The following CSMD1 variants were observed in gnomAD, a reference collection of about 807,000 sequenced individuals.
CSMD1 encodes CUB and sushi domain-containing protein 1.
Under a neutral mutation model 417.5 loss-of-function variants are expected in CSMD1, and 213 were observed. The observed-to-expected ratio is 0.51, with a 90% CI of 0.46 to 0.57. The LOEUF is 0.57. CSMD1 is among the 20% of genes least tolerant of loss of function. CSMD1 has a pLI of 0.00. For missense variants in CSMD1, 6,923 were observed against 4,529.7 expected (o/e 1.53, Z -15.17); for synonymous variants, 2,862 against 1,736.8 (o/e 1.65, Z -16.11).
intron 1 of CSMD1, among the ~76,000 whole-genome samples, chr8:4,770,647 A>C (rs536734645): frequency 6.6e-6 from 1 of 152,244 alleles, no homozygotes; most frequent in East Asian, 1.9e-4. Context: ...TAGAGAGCTG[A>C]AATAAATCCA....
At chr8:3,801,512 G>A (rs1302770959) in intron 5 of CSMD1, among the ~76,000 whole-genome samples, 21 of 152,134 alleles carry the variant, frequency 1.4e-4, no homozygotes, top group Admixed American at 1.4e-3. Flanking sequence ...ACCCTCTCGT[G>A]TTGCTTGTCG....
intron 2 of CSMD1, among the ~76,000 whole-genome samples, chr8:4,450,209 A>C (rs1364618597): frequency 6.6e-6 from 1 of 152,222 alleles, no homozygotes; most frequent in Non-Finnish European, 1.5e-5. Flanking sequence ...GTTACAGAGT[A>C]CCTATATGTG....
intron 1 of CSMD1, among the ~76,000 whole-genome samples, chr8:4,684,112 T>C (rs1425915627): frequency 6.6e-6 from 1 of 152,196 alleles, no homozygotes; most frequent in Non-Finnish European, 1.5e-5. Flanking sequence ...AAAAGCATAT[T>C]ACATAAAATG....
intron 2 of CSMD1, among the ~76,000 whole-genome samples, chr8:4,466,037 T>A (rs1800146603): frequency 6.6e-6 from 1 of 152,202 alleles, no homozygotes; most frequent in African/African-American, 2.4e-5. Context: ...ACAAATTACT[T>A]TTATTACCAT....
At chr8:3,752,185 G>C (rs149185255) in intron 6 of CSMD1, among the ~76,000 whole-genome samples, 2 of 152,116 alleles carry the variant, frequency 1.3e-5, no homozygotes, top group Admixed American at 1.3e-4. Flanking sequence ...CAGATATGGG[G>C]AGGTATGGAA....
At chr8:4,952,714 G>A (rs192524833) in intron 1 of CSMD1, among the ~76,000 whole-genome samples, 1 of 152,030 alleles carries the variant, frequency 6.6e-6, no homozygotes, top group Non-Finnish European at 1.5e-5. Context: ...GTATTAAAAT[G>A]AGTATATCAA....
intron 1 of CSMD1, among the ~76,000 whole-genome samples, chr8:4,774,948 C>T (rs1232425157): frequency 6.6e-6 from 1 of 152,156 alleles, no homozygotes; most frequent in Non-Finnish European, 1.5e-5. Context: ...GCCTGCAAAA[C>T]CTTGAGCAAA....
At chr8:3,958,513 T>A (rs887251472) in intron 5 of CSMD1, among the ~76,000 whole-genome samples, 3 of 152,208 alleles carry the variant, frequency 2.0e-5, no homozygotes, top group South Asian at 2.1e-4. Flanking sequence ...ATTTTAGAAA[T>A]GCATTCTTCT....
At chr8:4,175,864 C>G (rs556291171) in intron 3 of CSMD1, among the ~76,000 whole-genome samples, 1 of 152,208 alleles carries the variant, frequency 6.6e-6, no homozygotes, top group Non-Finnish European at 1.5e-5. Flanking sequence ...CAAAATGTTA[C>G]CAAGCGAGTA....
chr8:3,499,273 T>C (rs962862222), intron 10 of CSMD1, among the ~76,000 whole-genome samples: 2 of 152,230 alleles, frequency 1.3e-5, no homozygotes, highest in Non-Finnish European at 2.9e-5. Flanking sequence ...GTCTGCATGT[T>C]TGTAGCTGTC....
intron 5 of CSMD1, among the ~76,000 whole-genome samples, chr8:3,789,322 C>G (rs183507450): frequency 2.2e-4 from 33 of 150,846 alleles, no homozygotes; most frequent in Middle Eastern, 3.5e-3. Flanking sequence ...ACAGCCCCAA[C>G]AGACTAATAC....
At chr8:4,026,055 G>T (rs942509497) in intron 4 of CSMD1, among the ~76,000 whole-genome samples, 1 of 150,162 alleles carries the variant, frequency 6.7e-6, no homozygotes, top group Non-Finnish European at 1.5e-5. Context: ...AAATAAATAA[G>T]TATTAATAGA....
intron 15 of CSMD1, among the ~76,000 whole-genome samples, chr8:3,403,096 C>G (rs1563351354): frequency 2.0e-5 from 3 of 152,074 alleles, no homozygotes; most frequent in Admixed American, 2.0e-4. Flanking sequence ...CATGTTTCTA[C>G]TTTAATTGGA....
intron 23 of CSMD1, among the ~76,000 whole-genome samples, chr8:3,338,931 C>A (rs1396066972): frequency 6.6e-6 from 1 of 151,342 alleles, no homozygotes; most frequent in East Asian, 2.0e-4. Context: ...GTGCGCTGCA[C>A]CCACTAACTC....
chr8:3,778,275 G>A (rs145985908), intron 5 of CSMD1, among the ~76,000 whole-genome samples: 1,995 of 152,304 alleles, frequency 0.013, 22 homozygotes, highest in Non-Finnish European at 0.021. Context: ...CTATTTGCCT[G>A]TCAGTAGTTT....
intron 11 of CSMD1, among the ~76,000 whole-genome samples, chr8:3,493,080 G>C (rs1476482688): frequency 2.0e-5 from 3 of 152,068 alleles, no homozygotes; most frequent in East Asian, 1.9e-4. Context: ...AATCACCAGA[G>C]GTCAGGAGTT....
chr8:3,593,463 C>G (rs1275967931), intron 8 of CSMD1, among the ~76,000 whole-genome samples: 1 of 152,172 alleles, frequency 6.6e-6, no homozygotes, highest in African/African-American at 2.4e-5. Context: ...GTGAGTGGCA[C>G]AGGCGGGATG....
chr8:4,838,987 T>G (rs527722727), intron 1 of CSMD1, among the ~76,000 whole-genome samples: 69 of 152,366 alleles, frequency 4.5e-4, no homozygotes, highest in African/African-American at 1.6e-3. Flanking sequence ...TACTTCTACC[T>G]ATTTTGCCTC....
At chr8:3,796,778 T>A (rs114903838) in intron 5 of CSMD1, among the ~76,000 whole-genome samples, 4,315 of 151,318 alleles carry the variant, frequency 0.029, 219 homozygotes, top group African/African-American at 0.098. Context: ...GATCATCATA[T>A]TCTTGAAATT....
Sources: allele counts gnomAD v4.1 joint callset (sites outside exome capture counted in the v4.1 genomes callset), GRCh38; gene constraint gnomAD v4.1.1; transcripts MANE v1.5; gene names NCBI Gene and HGNC (gene_info 2026-07-23, HGNC 2026-07-21).